Variants in PTPRR observed in about 807,000 individuals in gnomAD.
PTPRR encodes the protein protein tyrosine phosphatase receptor type R, also known as receptor-type tyrosine-protein phosphatase R.
In PTPRR, 38 loss-of-function variants were observed where a neutral mutation model predicts 77.2. The observed-to-expected ratio is 0.49, with a 90% CI of 0.38 to 0.65. PTPRR has a LOEUF of 0.65. PTPRR is among the 30% of genes least tolerant of loss of function. The pLI is 0.00. For synonymous variants in PTPRR, 299 were observed against 283.1 expected, an observed-to-expected ratio of 1.06 and a Z score of -0.57; for missense variants, 744 against 799.2, an observed-to-expected ratio of 0.93 and a Z score of 0.83.
chr12:70,878,226 C>T (rs1313387984), intron 2 of PTPRR, among the ~76,000 whole-genome samples: 2 of 152,158 alleles, frequency 1.3e-5, no homozygotes, highest in Admixed American at 1.3e-4. Context: ...AAAGCAATGG[C>T]AACAAAAGCC....
chr12:70,830,575 C>T (rs763539339), intron 2 of PTPRR, among the ~76,000 whole-genome samples: 77 of 152,170 alleles, frequency 5.1e-4, no homozygotes, highest in Non-Finnish European at 1.0e-3. Flanking sequence ...TATGCATGAA[C>T]AATAGTACAA....
At chr12:70,840,153 T>G (rs944831066) in intron 2 of PTPRR, among the ~76,000 whole-genome samples, 2 of 152,138 alleles carry the variant, frequency 1.3e-5, no homozygotes, top group African/African-American at 4.8e-5. Context: ...AAAATCAAAG[T>G]ATCACTGGGG....
At chr12:70,884,266 C>T (rs1275714070) in intron 2 of PTPRR, among the ~76,000 whole-genome samples, 1 of 152,098 alleles carries the variant, frequency 6.6e-6, no homozygotes, top group Non-Finnish European at 1.5e-5. Context: ...GGCCAAATGC[C>T]CCGAAAGCCC....
rs1887268531 is a variant in PTPRR, at chr12:70,672,463, G to T, written c.1498-9858C>A. 3.6e-6 allele frequency: 4 copies of T among 1,103,334 alleles called. No homozygotes were observed. In the East Asian group the frequency reaches 7.3e-5, roughly 20 times the overall value. 68.3% of individuals were successfully genotyped at this position (1,103,334 alleles called of 1,614,324 possible). A position where few individuals can be genotyped will look rare whatever the true frequency, so the allele number is the denominator to read the frequency against. On this transcript the variant is annotated intron_variant, in intron 10 of 13. Coordinates refer to ENST00000283228, the MANE Select transcript of PTPRR (RefSeq NM_002849.4). ...GGCCACAGATGCCATGGCCCATGTG[G>T]CTGGCTTCACTGCGGCTCATAACGT...
intron 2 of PTPRR, among the ~76,000 whole-genome samples, chr12:70,872,666 A>G: frequency 7.2e-6 from 1 of 138,614 alleles, no homozygotes. Context: ...CTGCACTCCA[A>G]TCTGGGCGAC....
At chr12:70,815,448 C>T (rs1234014006) in intron 2 of PTPRR, among the ~76,000 whole-genome samples, 1 of 152,062 alleles carries the variant, frequency 6.6e-6, no homozygotes, top group Non-Finnish European at 1.5e-5. Flanking sequence ...ACCACATATG[C>T]AAGAAGTTCA....
At chr12:70,719,883 GT>G (rs1241537914) in intron 6 of PTPRR, among the ~76,000 whole-genome samples, 2 of 152,218 alleles carry the variant, frequency 1.3e-5, no homozygotes, top group Non-Finnish European at 2.9e-5. Flanking sequence ...GGCAACAAGT[GT>G]CTCAAGTAGG....
chr12:70,737,293 G>T (rs1889893966), intron 6 of PTPRR, among the ~76,000 whole-genome samples: 1 of 151,908 alleles, frequency 6.6e-6, no homozygotes, highest in Non-Finnish European at 1.5e-5. Flanking sequence ...TCTCTGTTCT[G>T]CTTGCCCTGC....
intron 6 of PTPRR, among the ~76,000 whole-genome samples, chr12:70,741,888 G>A (rs1167243525): frequency 6.6e-6 from 1 of 152,180 alleles, no homozygotes; most frequent in Non-Finnish European, 1.5e-5. Context: ...GTTTCTGGGG[G>A]ATCATGCCTT....
chr12:70,802,231 A>G lies in PTPRR; in HGVS notation c.358-37453T>C, dbSNP rs79334793. On this transcript the variant is annotated intron_variant, in intron 2 of 13. Transcript: ENST00000283228. Reference sequence around the variant, plus strand: ...ATAAAATACAAGCAGCACCAGCTTAAAACAGCTGTCTTTGCAAACATAATT... The same window carrying G: ...ATAAAATACAAGCAGCACCAGCTTAGAACAGCTGTCTTTGCAAACATAATT... 3.8e-4 allele frequency among the ~76,000 whole-genome samples: 58 copies of G among 152,354 alleles called. No homozygotes were observed. The East Asian group carries it at 9.1e-3, about 24-fold the overall frequency.
At chr12:70,701,388 T>G in intron 6 of PTPRR, 65 bp from the exon 7 acceptor site, 1 of 1,428,434 alleles carries the variant, frequency 7.0e-7, no homozygotes, top group Non-Finnish European at 9.7e-7. Flanking sequence ...AAACTTGTCT[T>G]TCTGTACATG....
rs1247777638 is a variant in PTPRR, at chr12:70,752,622, C to T, written c.738+1569G>A. Among the ~76,000 whole-genome samples, 3 of 152,212 alleles carry T rather than the reference C, an allele frequency of 2.0e-5. No individual in the cohort carries two copies. The East Asian group carries it at 5.8e-4, about 29-fold the overall frequency. On this transcript the variant is annotated intron_variant, in intron 5 of 13. Transcript: ENST00000283228. ...GGCTGGGCATGACTCTGCTTTCCCA[C>T]TTCCCTTCTTCTATCCTTGCCTTTG...
intron 7 of PTPRR, among the ~76,000 whole-genome samples, 158 bp downstream of exon 7, chr12:70,700,979 T>C (rs919708831): frequency 1.3e-5 from 2 of 152,198 alleles, no homozygotes; most frequent in South Asian, 2.1e-4. Flanking sequence ...TTAATACTTA[T>C]CAATAGTGGA....
chr12:70,784,118 G>GTGGAGC (rs1891269198), intron 2 of PTPRR, among the ~76,000 whole-genome samples: 1 of 152,194 alleles, frequency 6.6e-6, no homozygotes, highest in Non-Finnish European at 1.5e-5. Context: ...TGCTTGCTCG[G>GTGGAGC]TGGAGCGGGA....
chr12:70,760,688 G>T (rs1890671294), intron 4 of PTPRR, among the ~76,000 whole-genome samples: 2 of 152,162 alleles, frequency 1.3e-5, no homozygotes, highest in African/African-American at 2.4e-5. Context: ...CTCTTGTTCT[G>T]TCACCTTGAG....
At chr12:70,778,840 AT>A (rs1393333527) in intron 2 of PTPRR, among the ~76,000 whole-genome samples, 1 of 151,962 alleles carries the variant, frequency 6.6e-6, no homozygotes, top group African/African-American at 2.4e-5. Context: ...TTTTGCATTC[AT>A]TTTTGTTTTT....
At chr12:70,690,280 A>C (rs2136752340) in intron 8 of PTPRR, among the ~76,000 whole-genome samples, 1 of 152,294 alleles carries the variant, frequency 6.6e-6, no homozygotes, top group Middle Eastern at 3.4e-3. Flanking sequence ...AGTATATATA[A>C]GTTTTCTGGC....
chr12:70,800,218 C>T lies in PTPRR; in HGVS notation c.358-35440G>A, dbSNP rs148519155. Among the ~76,000 whole-genome samples, 6 of 151,810 alleles carry T rather than the reference C, an allele frequency of 4.0e-5. No homozygotes were observed. In the East Asian group the frequency reaches 7.8e-4, roughly 20 times the overall value. On this transcript the variant is annotated intron_variant, in intron 2 of 13. Transcript: ENST00000283228. ...CCGCTTCCTGTCTCTTGAAATCTGT[C>T]TAAACCCTTTCCCCCCTACCCACTG...
intron 2 of PTPRR, 66 bp downstream of exon 2, chr12:70,892,613 T>C (rs1893356768): frequency 1.3e-6 from 2 of 1,561,682 alleles, no homozygotes; most frequent in Non-Finnish European, 1.7e-6. Flanking sequence ...TGTTTTTCTT[T>C]TTTCAAGCAT....
Sources: gnomAD v4.1 joint callset for allele counts (sites outside exome capture counted in the v4.1 genomes callset) on GRCh38, gnomAD v4.1.1 for gene constraint, MANE v1.5 for transcripts, NCBI Gene and HGNC (gene_info 2026-07-23, HGNC 2026-07-21) for gene names.